Variants in NAALADL2 observed in about 807,000 individuals in gnomAD.
NAALADL2 encodes the protein inactive N-acetylated-alpha-linked acidic dipeptidase-like protein 2.
Under a neutral mutation model 87.2 loss-of-function variants are expected in NAALADL2, and 76 were observed. That is an observed-to-expected ratio of 0.87 (90% confidence interval 0.72 to 1.05). The LOEUF is 1.05. Among genes scored for constraint, NAALADL2 ranks in the 50% least tolerant of loss-of-function variants. NAALADL2 has a pLI of 0.00. For synonymous variants in NAALADL2, 354 were observed against 331.0 expected (o/e 1.07, Z -0.75); for missense variants, 1,089 against 945.8 (o/e 1.15, Z -1.99).
intron 10 of NAALADL2, among the ~76,000 whole-genome samples, chr3:175,579,919 A>G (rs971897852): frequency 1.3e-5 from 2 of 152,144 alleles, no homozygotes; most frequent in African/African-American, 2.4e-5. Flanking sequence ...AGCAAGCTTC[A>G]TATCATAAAT....
chr3:174,835,999 A>G (rs553143006), intron 3 of NAALADL2, among the ~76,000 whole-genome samples: 6 of 152,344 alleles, frequency 3.9e-5, no homozygotes, highest in African/African-American at 1.4e-4. Flanking sequence ...ACTTCTGGTT[A>G]TATACGTAAA....
intron 5 of NAALADL2, among the ~76,000 whole-genome samples, chr3:175,423,319 G>A (rs1334654170): frequency 6.0e-5 from 9 of 149,050 alleles, no homozygotes; most frequent in African/African-American, 1.7e-4. Context: ...ACAACGTGCA[G>A]ATTTGTTACA....
intron 9 of NAALADL2, among the ~76,000 whole-genome samples, chr3:175,506,785 TA>T (rs1218837816): frequency 6.6e-6 from 1 of 152,210 alleles, no homozygotes; most frequent in African/African-American, 2.4e-5. Context: ...TCATCATGCA[TA>T]AATATTCTTG....
chr3:174,872,346 A>G (rs1269429042), intron 1 of NAALADL2, among the ~76,000 whole-genome samples: 1 of 152,130 alleles, frequency 6.6e-6, no homozygotes, highest in Non-Finnish European at 1.5e-5. Flanking sequence ...CCTTGAGGTT[A>G]AGTAACTTAC....
chr3:174,791,305 A>G (rs573947585), intron 3 of NAALADL2, among the ~76,000 whole-genome samples: 137 of 152,256 alleles, frequency 9.0e-4, no homozygotes, highest in African/African-American at 3.1e-3. Flanking sequence ...CCTAAAAGTC[A>G]TATGTTGAAA....
chr3:175,779,721 G>GAGAATA (rs1312581872), intron 13 of NAALADL2, among the ~76,000 whole-genome samples: 59 of 152,132 alleles, frequency 3.9e-4, no homozygotes, highest in African/African-American at 1.3e-3. Context: ...ATGGTAACTT[G>GAGAATA]AGAATATCAA....
At position 174,552,342 on chromosome 3, in the gene NAALADL2, G is replaced by A. The variant is rs187700522; in HGVS notation, c.-115+1705G>A. Among the ~76,000 whole-genome samples, 94 of 152,200 alleles carry A rather than the reference G, an allele frequency of 6.2e-4. No homozygotes were observed. The East Asian group carries it at 0.011, about 18-fold the overall frequency. On this transcript the variant is annotated intron_variant, in intron 2 of 3. Transcript: ENST00000434257. ...GTAGAAATGTGAACCTAATTGTCTAGTATTAGAATTTCTGCTCTTTATACA... is the reference window on the plus strand; with the variant it reads ...GTAGAAATGTGAACCTAATTGTCTAATATTAGAATTTCTGCTCTTTATACA...
intron 5 of NAALADL2, among the ~76,000 whole-genome samples, chr3:175,326,623 T>G (rs2110459669): frequency 6.6e-6 from 1 of 152,322 alleles, no homozygotes; most frequent in South Asian, 2.1e-4. Context: ...ATTTGTTTCT[T>G]ACAGTTCAGG....
Position 175,363,307 on chromosome 3 carries a change from C to CT in NAALADL2, c.1090+38989dup, listed in dbSNP as rs901943223. Among the ~76,000 whole-genome samples, 46 of 147,294 alleles carry CT rather than the reference C, an allele frequency of 3.1e-4. 2 individuals are homozygous for CT. The highest frequency in any genetic ancestry group is 1.5e-3 in the Admixed American group (21 of 14,342). ...AAGTTGTTTTCTTTATGTACAATGT[C>CT]TTTTTTTGGTGCATTTTTTTCCATT... On this transcript the variant is annotated intron_variant, in intron 5 of 13. Coordinates refer to ENST00000454872, the MANE Select transcript of NAALADL2 (RefSeq NM_207015.3).
At chr3:175,168,183 T>C (rs1734262762) in intron 2 of NAALADL2, among the ~76,000 whole-genome samples, 1 of 151,924 alleles carries the variant, frequency 6.6e-6, no homozygotes, top group Admixed American at 6.6e-5. Context: ...TTTATGTTAT[T>C]CTTGAAAGAA....
intron 1 of NAALADL2, among the ~76,000 whole-genome samples, chr3:174,953,335 C>T (rs1740683610): frequency 1.9e-5 from 2 of 102,982 alleles, no homozygotes; most frequent in African/African-American, 9.0e-5. Flanking sequence ...CCTCCCCTCC[C>T]CTCCCCTCCC....
intron 5 of NAALADL2, among the ~76,000 whole-genome samples, chr3:175,381,148 A>C (rs981410907): frequency 1.3e-5 from 2 of 151,888 alleles, no homozygotes; most frequent in Non-Finnish European, 2.9e-5. Flanking sequence ...AATATAATTT[A>C]GTATCCATTT....
chr3:175,107,754 A>T (rs1481872143), intron 2 of NAALADL2, among the ~76,000 whole-genome samples: 1 of 146,610 alleles, frequency 6.8e-6, no homozygotes, highest in Non-Finnish European at 1.5e-5. Context: ...TCATTAAAAA[A>T]TTTCAGATTT....
chr3:175,423,223 T>C (rs1214623692), intron 5 of NAALADL2, among the ~76,000 whole-genome samples: 3 of 143,550 alleles, frequency 2.1e-5, no homozygotes, highest in African/African-American at 7.7e-5. Flanking sequence ...CTTTTTTTTT[T>C]CTTTTTTTTT....
intron 11 of NAALADL2, among the ~76,000 whole-genome samples, chr3:175,719,698 C>A (rs1012307386): frequency 6.6e-6 from 1 of 152,158 alleles, no homozygotes. Context: ...AATCTGATAG[C>A]CAGTCTCACT....
intron 2 of NAALADL2, among the ~76,000 whole-genome samples, chr3:175,195,971 G>C (rs1344972122): frequency 6.6e-6 from 1 of 151,788 alleles, no homozygotes; most frequent in Non-Finnish European, 1.5e-5. Context: ...CTTATATTTG[G>C]GGGCAAGTAG....
chr3:175,731,698 C>T (rs1743777235), intron 11 of NAALADL2, among the ~76,000 whole-genome samples: 1 of 152,066 alleles, frequency 6.6e-6, no homozygotes, highest in African/African-American at 2.4e-5. Context: ...CGTTGTGGGC[C>T]AGGTGTTTCT....
chr3:174,483,707 T>C (rs1289586925), intron 1 of NAALADL2, among the ~76,000 whole-genome samples: 2 of 151,946 alleles, frequency 1.3e-5, no homozygotes, highest in African/African-American at 2.4e-5. Context: ...AAATCTTAAC[T>C]CGAATACTTA....
intron 2 of NAALADL2, among the ~76,000 whole-genome samples, chr3:174,644,424 T>C (rs1477288180): frequency 4.6e-5 from 7 of 152,126 alleles, no homozygotes; most frequent in Non-Finnish European, 8.8e-5. Flanking sequence ...CTACTCATTG[T>C]TTTCATGCTG....
Sources: allele counts gnomAD v4.1 joint callset (sites outside exome capture counted in the v4.1 genomes callset), GRCh38; gene constraint gnomAD v4.1.1; transcripts MANE v1.5; gene names NCBI Gene and HGNC (gene_info 2026-07-23, HGNC 2026-07-21).